The following HGSNAT variants were observed in gnomAD, a reference collection of about 807,000 sequenced individuals.
HGSNAT encodes the protein heparan-alpha-glucosaminide N-acetyltransferase, also known as transmembrane protein 76.
HGSNAT carries 59 observed loss-of-function variants against 85.2 expected under a neutral mutation model. The ratio of observed to expected loss-of-function variants is 0.69; its 90% CI spans 0.56 to 0.86. The LOEUF is 0.86. Ranked by LOEUF, HGSNAT falls within the 40% of genes least tolerant of loss-of-function variation. HGSNAT has a pLI of 0.00. For missense variants in HGSNAT, 756 were observed against 777.1 expected (o/e 0.97, Z 0.32); for synonymous variants, 321 against 304.5 (o/e 1.05, Z -0.56).
chr8:43,158,914 T>C lies in HGSNAT; in HGVS notation c.372-9T>C. 6.2e-7 allele frequency: 1 copy of C among 1,600,514 alleles called. No homozygotes were observed. Among genetic ancestry groups the C allele is most frequent in the Non-Finnish European group, 8.5e-7 (1 of 1,172,230 alleles). ...AACCACTTGTCTTAATTTTACCTAA[T>C]GTTTGTAGGTTGGAATACAGATTTG... On this transcript the variant is annotated splice_polypyrimidine_tract_variant and intron_variant, in intron 3 of 17. Transcript: ENST00000379644.
chr8:43,182,292 T>G (rs761084514), intron 11 of HGSNAT, 32 bp downstream of exon 11: 92 of 1,519,790 alleles, frequency 6.1e-5, no homozygotes, highest in Non-Finnish European at 8.1e-5. Context: ...AAGAAAAACT[T>G]TTTTTAAATT....
intron 8 of HGSNAT, among the ~76,000 whole-genome samples, chr8:43,172,943 G>T: frequency 6.6e-6 from 1 of 152,228 alleles, no homozygotes; most frequent in East Asian, 1.9e-4. Flanking sequence ...GTCCCAGCCA[G>T]GTCCAGTGCT....
chr8:43,159,315 T>C (rs919997996), intron 4 of HGSNAT, among the ~76,000 whole-genome samples: 5 of 152,292 alleles, frequency 3.3e-5, no homozygotes, highest in Admixed American at 2.6e-4. Flanking sequence ...TGGCCTGGCA[T>C]GGTGGCTCAT....
Position 43,158,832 on chromosome 8 carries a change from C to A in HGSNAT, c.372-91C>A, listed in dbSNP as rs1803176993. On this transcript the variant is annotated intron_variant, in intron 3 of 17. Coordinates refer to ENST00000379644, the MANE Select transcript of HGSNAT (RefSeq NM_152419.3). Reference sequence around the variant, plus strand: ...ATCTTTTCTGGTCCGTACCCAGGAACATGTATTATTCTGCCTCCATGATAT... The same window carrying A: ...ATCTTTTCTGGTCCGTACCCAGGAAAATGTATTATTCTGCCTCCATGATAT... 4.7e-6 allele frequency: 7 copies of A among 1,500,548 alleles called. No individual in the cohort carries two copies. In the Admixed American group the frequency reaches 8.2e-5, roughly 18 times the overall value. The allele number at this position is 1,500,548 out of a possible 1,614,324, so 93.0% of individuals were successfully genotyped here.
rs1563388121 is a variant in HGSNAT at position 43,199,517 on chromosome 8, G to C, written c.1856G>C (p.Trp619Ser). Residue 619 changes from tryptophan to serine, a missense_variant, in exon 18 of 18, where the codon TGG (tryptophan) becomes TCG (serine). Coordinates refer to ENST00000379644, the MANE Select transcript of HGSNAT (RefSeq NM_152419.3). The part of the protein sequence containing the change: ...LTQNIVATAL[W>S]VLIAYILYRK... ...CAGAACATCGTCGCCACTGCCCTCT[G>C]GGTGCTCATTGCCTACATCCTCTAT... 6.2e-7 allele frequency: 1 copy of C among 1,607,418 alleles called. No individual in the cohort carries two copies.
At chr8:43,141,222 GC>G (rs1563350479) in intron 1 of HGSNAT, among the ~76,000 whole-genome samples, 1 of 152,264 alleles carries the variant, frequency 6.6e-6, no homozygotes, top group South Asian at 2.1e-4. Flanking sequence ...GCGGCCTGCA[GC>G]CCGGTCCCGG....
At chr8:43,142,227 T>C (rs1802574576) in intron 1 of HGSNAT, among the ~76,000 whole-genome samples, 1 of 152,182 alleles carries the variant, frequency 6.6e-6, no homozygotes, top group Non-Finnish European at 1.5e-5. Context: ...AAGGTGACTT[T>C]ATTTGGTAAT....
At chr8:43,172,422 C>A (rs773552088) in intron 8 of HGSNAT, 36 bp downstream of exon 8, 1 of 1,400,484 alleles carries the variant, frequency 7.1e-7, no homozygotes, top group Non-Finnish European at 1.0e-6. Flanking sequence ...TGCTTATATA[C>A]GTCCTTCACA....
Position 43,169,185 on chromosome 8 carries a change from T to C in HGSNAT, c.576T>C (p.Phe192=), listed in dbSNP as rs1563366828. ...FLRLLLSLDD[F]NNWISKAISS... ...TATTTATTTTCAGTTTGGATGACTT[T>C]AACAATTGGATTTCTAAAGCCATAA... Residue 192 remains phenylalanine (F), a synonymous_variant, in exon 6 of 18, where the codon TTT becomes TTC. Transcript: ENST00000379644. The C allele has an allele frequency of 1.3e-6, 2 of 1,567,218 alleles. No homozygotes were observed. The highest frequency in any genetic ancestry group is 4.5e-5 in the East Asian group (2 of 44,124).
intron 5 of HGSNAT, among the ~76,000 whole-genome samples, chr8:43,166,394 T>C (rs1413936945): frequency 6.6e-6 from 1 of 152,202 alleles, no homozygotes; most frequent in African/African-American, 2.4e-5. Context: ...TGTTAGGAGC[T>C]AACGCAACTG....
chr8:43,198,204 T>G (rs1200591775), intron 17 of HGSNAT, among the ~76,000 whole-genome samples: 1 of 151,638 alleles, frequency 6.6e-6, no homozygotes. Flanking sequence ...AGTTTGTGAC[T>G]CCACCTGTTT....
At chr8:43,176,947 G>A (rs934546464) in intron 9 of HGSNAT, among the ~76,000 whole-genome samples, 1 of 152,176 alleles carries the variant, frequency 6.6e-6, no homozygotes, top group Non-Finnish European at 1.5e-5. Flanking sequence ...GTTTTCTGGT[G>A]GAGTCTAGGT....
chr8:43,173,751 G>A lies in HGSNAT; in HGVS notation c.851+8G>A, dbSNP rs199938067. 6.2e-7 allele frequency: 1 copy of A among 1,611,344 alleles called. No homozygotes were observed. The highest frequency in any genetic ancestry group is 1.3e-5 in the African/African-American group (1 of 75,010). On this transcript the variant is annotated splice_region_variant and intron_variant, in intron 9 of 17. Coordinates refer to ENST00000379644, the MANE Select transcript of HGSNAT (RefSeq NM_152419.3). ...TGACCTCGTGTTCCCGTGGTGAGTT[G>A]CCGGTCTGCCCTCTTCTCTTCCACG...
At chr8:43,196,764 G>A in intron 14 of HGSNAT, 184 bp from the exon 15 acceptor site, 2 of 611,818 alleles carry the variant, frequency 3.3e-6, no homozygotes, top group Admixed American at 5.5e-5. Flanking sequence ...CTGGTCCCAT[G>A]CTCCTCTGTT....
intron 2 of HGSNAT, among the ~76,000 whole-genome samples, chr8:43,149,155 T>C (rs1802812640): frequency 7.3e-6 from 1 of 136,864 alleles, no homozygotes; most frequent in African/African-American, 2.6e-5. Flanking sequence ...ATAAAGGAAT[T>C]AACTACACGA....
chr8:43,176,215 AT>A (rs374941540), intron 9 of HGSNAT, among the ~76,000 whole-genome samples: 14 of 152,158 alleles, frequency 9.2e-5, no homozygotes, highest in South Asian at 2.1e-4. Flanking sequence ...TTTTGATTTG[AT>A]TTTTTTAATA....
At chr8:43,181,349 C>T (rs578148259) in intron 10 of HGSNAT, among the ~76,000 whole-genome samples, 35 of 152,008 alleles carry the variant, frequency 2.3e-4, no homozygotes, top group African/African-American at 6.3e-4. Flanking sequence ...TTTAGTGGTG[C>T]GCAGGGACAG....
intron 5 of HGSNAT, among the ~76,000 whole-genome samples, chr8:43,168,893 G>A (rs957606172): frequency 6.6e-6 from 1 of 152,074 alleles, no homozygotes; most frequent in Non-Finnish European, 1.5e-5. Flanking sequence ...TCCCAGCCAC[G>A]GGGAATAGTT....
chr8:43,168,351 T>C (rs1195529113), intron 5 of HGSNAT, among the ~76,000 whole-genome samples: 1 of 151,676 alleles, frequency 6.6e-6, no homozygotes, highest in East Asian at 1.9e-4. Flanking sequence ...AATGTAAATG[T>C]TAGGTTTTTG....
Sources: gnomAD v4.1 joint callset for allele counts (sites outside exome capture counted in the v4.1 genomes callset) on GRCh38, gnomAD v4.1.1 for gene constraint, MANE v1.5 for transcripts, NCBI Gene and HGNC (gene_info 2026-07-23, HGNC 2026-07-21) for gene names.